The following SLC25A47 variants were observed in gnomAD, a reference collection of about 807,000 sequenced individuals.
The protein encoded by SLC25A47 is HCC-down-regulated mitochondrial carrier protein.
A neutral mutation model predicts 29.8 loss-of-function variants in SLC25A47; 30 were observed. The observed-to-expected ratio is 1.01, with a 90% CI of 0.75 to 1.36. SLC25A47 has a LOEUF of 1.36. Among genes scored for constraint, SLC25A47 ranks in the 40% most tolerant of loss-of-function variants. SLC25A47 has a pLI of 0.00. For synonymous variants in SLC25A47, 204 were observed against 197.8 expected (o/e 1.03, Z -0.26); for missense variants, 430 against 441.9 (o/e 0.97, Z 0.24).
Position 100,329,572 on chromosome 14 carries a change from C to T in SLC25A47, c.854C>T (p.Ala285Val). ...GGGCTGGTACTCAATTGCTGCCGCGCCTTCCCTGTCAACATGGTGGTCTTC... is the reference window on the plus strand; with the variant it reads ...GGGCTGGTACTCAATTGCTGCCGCGTCTTCCCTGTCAACATGGTGGTCTTC... ...FKGLVLNCCR[A>V]FPVNMVVFVA... is the part of the protein sequence containing the mutation. The change falls in exon 6 of 6, where the codon GCC becomes GTC. Residue 285 changes from alanine (A) to valine (V), a missense_variant. Ala to Val is a moderately conservative substitution (Grantham distance 64, BLOSUM62 0). Transcript: ENST00000361529. The T allele has an allele frequency of 6.2e-7, 1 of 1,613,722 alleles. No individual in the cohort carries two copies. Among genetic ancestry groups the T allele is most frequent in the Non-Finnish European group, 8.5e-7 (1 of 1,180,016 alleles).
chr14:100,326,597 G>A (rs1416747312), intron 3 of SLC25A47, among the ~76,000 whole-genome samples: 2 of 152,298 alleles, frequency 1.3e-5, no homozygotes, highest in South Asian at 2.1e-4. Context: ...AGTACTTGGC[G>A]ACATTCTCCT....
Position 100,328,912 on chromosome 14 carries a change from G to A in SLC25A47, c.514G>A (p.Glu172Lys), listed in dbSNP as rs1156390780. 3 of 1,609,832 alleles carry A rather than the reference G, an allele frequency of 1.9e-6. No homozygotes were observed. The highest frequency in any genetic ancestry group is 2.5e-6 in the Non-Finnish European group (3 of 1,179,842). Residue 172 changes from glutamate to lysine, a missense_variant, in exon 5 of 6, where the codon GAG (glutamate) becomes AAG (lysine). Glu to Lys is a moderately conservative substitution (Grantham distance 56). Coordinates refer to ENST00000361529, the MANE Select transcript of SLC25A47 (RefSeq NM_207117.4). The part of the protein sequence containing the change: ...PLHCLATVAR[E>K]EGLCGLYKGS... ...GCACTGCCTGGCCACGGTAGCCCGT[G>A]AGGAGGGGCTGTGCGGCCTCTACAA...
At chr14:100,327,958 G>A (rs1277664350) in intron 4 of SLC25A47, among the ~76,000 whole-genome samples, 2 of 152,144 alleles carry the variant, frequency 1.3e-5, no homozygotes, top group Admixed American at 6.5e-5. Context: ...GAGCAACCTT[G>A]GGCAAGCAAG....
intron 3 of SLC25A47, 117 bp downstream of exon 3, chr14:100,326,345 ATGGGAATAG>A (rs1893340716): frequency 1.1e-6 from 1 of 885,016 alleles, no homozygotes; most frequent in Non-Finnish European, 1.8e-6. Flanking sequence ...CACCTTCCAC[ATGGGAATAG>A]TTCTGCCAAT....
chr14:100,325,682 T>G (rs868723497), intron 1 of SLC25A47, 106 bp from the exon 2 acceptor site: 2 of 1,210,592 alleles, frequency 1.7e-6, no homozygotes, highest in East Asian at 2.5e-5. Flanking sequence ...GGGTCTGCCC[T>G]TGGGGGAGCC....
At position 100,329,447 on chromosome 14, in the gene SLC25A47, G is replaced by C; in HGVS notation, c.729G>C (p.Ser243=). 1 of 1,613,414 alleles carries C rather than the reference G, an allele frequency of 6.2e-7. No homozygotes were observed. Among genetic ancestry groups the C allele is most frequent in the Non-Finnish European group, 8.5e-7 (1 of 1,179,986 alleles). Residue 243 remains serine (S), a synonymous_variant, in exon 6 of 6, where the codon TCG becomes TCC. Coordinates refer to ENST00000361529, the MANE Select transcript of SLC25A47 (RefSeq NM_207117.4). ...CCACCCCCATGGACGTGATCAAGTC[G>C]AGACTGCAGGCAGACGGGCAGGGCC... ...AVATPMDVIK[S]RLQADGQGQR... is the part of the protein sequence containing the mutation.
rs150383145 is a variant in SLC25A47, at chr14:100,327,890, G to A, written c.327+520G>A. On this transcript the variant is annotated intron_variant, in intron 4 of 5. Coordinates refer to ENST00000361529, the MANE Select transcript of SLC25A47 (RefSeq NM_207117.4). ...AGCTGGAGCAGCCCAGCAGCTGAAGGCCTGGCCCAGGGGTCCAGACCACCA... is the reference window on the plus strand; with the variant it reads ...AGCTGGAGCAGCCCAGCAGCTGAAGACCTGGCCCAGGGGTCCAGACCACCA... Among the ~76,000 whole-genome samples, 6 of 152,226 alleles carry A rather than the reference G, an allele frequency of 3.9e-5. 1 individual carries two copies. In the East Asian group the frequency reaches 1.2e-3, roughly 29 times the overall value.
At position 100,329,788 on chromosome 14, in the gene SLC25A47, G is replaced by A. The variant is rs941867367; in HGVS notation, c.*143G>A. 7 of 1,175,380 alleles carry A rather than the reference G, an allele frequency of 6.0e-6. No individual in the cohort carries two copies. The highest frequency in any genetic ancestry group is 2.6e-5 in the Admixed American group (1 of 38,668). 72.8% of individuals were successfully genotyped at this position (1,175,380 alleles called of 1,614,324 possible). On this transcript the variant is annotated 3_prime_UTR_variant, in exon 6 of 6. Transcript: ENST00000361529. Reference sequence around the variant, plus strand: ...TGAGGAGCCTCCCTGCAGTGTTGTCGGCCGAGGCCTGAGCTCGCCCTGCCC... The same window carrying A: ...TGAGGAGCCTCCCTGCAGTGTTGTCAGCCGAGGCCTGAGCTCGCCCTGCCC...
intron 3 of SLC25A47, 52 bp from the exon 4 acceptor site, chr14:100,327,136 G>A (rs1189522371): frequency 6.5e-7 from 1 of 1,528,442 alleles, no homozygotes; most frequent in Non-Finnish European, 8.8e-7. Context: ...GCTCCCTCGG[G>A]TGGCTCCTCC....
chr14:100,326,404 C>A (rs1179770143), intron 3 of SLC25A47, among the ~76,000 whole-genome samples, 176 bp downstream of exon 3: 2 of 152,204 alleles, frequency 1.3e-5, no homozygotes, highest in Non-Finnish European at 2.9e-5. Context: ...GGACATCTGG[C>A]AGCTAGAGGG....
Position 100,329,755 on chromosome 14 carries a change from C to T in SLC25A47, c.*110C>T. ...TTCGGGACCCCACAGGGCCATTGCC[C>T]AGGAGAATGAGGAGCCTCCCTGCAG... is the stretch of plus-strand genomic sequence containing the variant. On this transcript the variant is annotated 3_prime_UTR_variant, in exon 6 of 6. Transcript: ENST00000361529. The T allele has an allele frequency of 1.4e-6, 2 of 1,392,154 alleles. No individual in the cohort carries two copies. The highest frequency in any genetic ancestry group is 2.2e-5 in the Admixed American group (1 of 46,126). The allele number at this position is 1,392,154 out of a possible 1,614,324, so 86.2% of individuals were successfully genotyped here.
intron 1 of SLC25A47, among the ~76,000 whole-genome samples, chr14:100,325,311 C>T (rs527331022): frequency 6.6e-6 from 1 of 152,214 alleles, no homozygotes; most frequent in Non-Finnish European, 1.5e-5. Flanking sequence ...CTGGCCTTTG[C>T]CCAGGCTGTG....
At chr14:100,327,071 C>G in intron 3 of SLC25A47, 117 bp from the exon 4 acceptor site, 2 of 998,722 alleles carry the variant, frequency 2.0e-6, no homozygotes, top group Non-Finnish European at 1.5e-6. Flanking sequence ...GCCCTGAGGC[C>G]GTGAATGACC....
chr14:100,323,706 G>A (rs1024929714), intron 1 of SLC25A47, among the ~76,000 whole-genome samples: 1 of 152,092 alleles, frequency 6.6e-6, no homozygotes, highest in Non-Finnish European at 1.5e-5. Context: ...TAGGCATGGG[G>A]GCCGCTCGGG....
chr14:100,326,274 C>T, intron 3 of SLC25A47, 46 bp downstream of exon 3: 2 of 1,565,166 alleles, frequency 1.3e-6, no homozygotes, highest in Non-Finnish European at 1.8e-6. Context: ...GGAGGGGATG[C>T]TGGGCCTGCC....
chr14:100,325,679 C>G (rs915858481), intron 1 of SLC25A47, 109 bp from the exon 2 acceptor site: 2 of 1,150,850 alleles, frequency 1.7e-6, no homozygotes, highest in African/African-American at 3.1e-5. Context: ...TGTGGGTCTG[C>G]CCTTGGGGGA....
chr14:100,328,300 T>G (rs886489272), intron 4 of SLC25A47, among the ~76,000 whole-genome samples: 6 of 152,118 alleles, frequency 3.9e-5, no homozygotes, highest in Non-Finnish European at 8.8e-5. Flanking sequence ...TTAGTAGAGA[T>G]GGGGTTTCAC....
At chr14:100,329,286 C>A in intron 5 of SLC25A47, 79 bp from the exon 6 acceptor site, 1 of 1,493,724 alleles carries the variant, frequency 6.7e-7, no homozygotes, top group Non-Finnish European at 8.9e-7. Flanking sequence ...TGAGGACGGG[C>A]CGGAAGCGTG....
In SLC25A47 at chr14:100,329,462, C is replaced by A; in HGVS notation, c.744C>A (p.Asp248Glu). 1 of 1,613,486 alleles carries A rather than the reference C, an allele frequency of 6.2e-7. No individual in the cohort carries two copies. Among genetic ancestry groups the A allele is most frequent in the Non-Finnish European group, 8.5e-7 (1 of 1,179,992 alleles). ...MDVIKSRLQA[D>E]GQGQRRYRGL... ...TGATCAAGTCGAGACTGCAGGCAGA[C>A]GGGCAGGGCCAGAGGCGCTACCGGG... Residue 248 changes from aspartate to glutamate, a missense_variant, in exon 6 of 6, where the codon GAC (aspartate) becomes GAA (glutamate). Coordinates refer to ENST00000361529, the MANE Select transcript of SLC25A47 (RefSeq NM_207117.4).
Sources: gnomAD v4.1 joint callset for allele counts (sites outside exome capture counted in the v4.1 genomes callset) on GRCh38, gnomAD v4.1.1 for gene constraint, MANE v1.5 for transcripts, NCBI Gene and HGNC (gene_info 2026-07-23, HGNC 2026-07-21) for gene names.